The following PAM variants were observed in gnomAD, a reference collection of about 807,000 sequenced individuals.
PAM encodes the protein peptidyl-glycine alpha-amidating monooxygenase.
PAM carries 72 observed loss-of-function variants against 122.1 expected under a neutral mutation model. The observed-to-expected ratio is 0.59, with a 90% CI of 0.49 to 0.72. PAM has a LOEUF of 0.72. Among genes scored for constraint, PAM ranks in the 30% least tolerant of loss-of-function variants. The probability of loss-of-function intolerance (pLI) is 0.00; values close to 1 mark genes in which losing one functional copy is unlikely to be tolerated. For synonymous variants in PAM, 389 were observed against 404.4 expected, an observed-to-expected ratio of 0.96 and a Z score of 0.46; for missense variants, 1,106 against 1,183.7, an observed-to-expected ratio of 0.93 and a Z score of 0.96.
At chr5:102,842,605 C>A (rs547934306) in intron 1 of PAM, among the ~76,000 whole-genome samples, 3 of 152,104 alleles carry the variant, frequency 2.0e-5, no homozygotes, top group South Asian at 4.1e-4. Context: ...TTAACACCAG[C>A]GTGAGAATAG....
intron 1 of PAM, among the ~76,000 whole-genome samples, chr5:102,800,892 T>C (rs2150085646): frequency 6.6e-6 from 1 of 152,140 alleles, no homozygotes; most frequent in Admixed American, 6.5e-5. Context: ...CCCTACTGCT[T>C]GGGAAAAAAC....
At chr5:102,799,015 C>T (rs943328435) in intron 1 of PAM, among the ~76,000 whole-genome samples, 6 of 152,042 alleles carry the variant, frequency 3.9e-5, no homozygotes, top group Non-Finnish European at 5.9e-5. Context: ...AGCATAGCAA[C>T]GTCAATAACT....
chr5:102,900,336 C>G (rs1010954527), intron 3 of PAM, among the ~76,000 whole-genome samples: 3 of 150,254 alleles, frequency 2.0e-5, no homozygotes, highest in Non-Finnish European at 4.4e-5. Flanking sequence ...ATTATAAAGA[C>G]TTCTAAGAAA....
chr5:102,765,963 CT>C (rs527307006), intron 1 of PAM, among the ~76,000 whole-genome samples: 47 of 148,884 alleles, frequency 3.2e-4, no homozygotes, highest in African/African-American at 9.1e-4. Context: ...AATTGAACAT[CT>C]TTTTTTTTTA....
intron 4 of PAM, among the ~76,000 whole-genome samples, chr5:102,913,553 A>G (rs930552705): frequency 6.6e-6 from 1 of 151,906 alleles, no homozygotes; most frequent in Non-Finnish European, 1.5e-5. Context: ...CTTTTTCACT[A>G]CAATGTTGAG....
chr5:102,926,828 A>G (rs575881632), intron 7 of PAM, among the ~76,000 whole-genome samples, 160 bp downstream of exon 7: 1 of 152,298 alleles, frequency 6.6e-6, no homozygotes, highest in African/African-American at 2.4e-5. Flanking sequence ...TGTTGAAGGA[A>G]TGACTTTTAT....
chr5:103,030,139 CA>C (rs1786053567), downstream of PAM: 1 of 152,002 alleles, frequency 6.6e-6, no homozygotes, highest in Non-Finnish European at 1.5e-5. Context: ...GGAGGCCAAG[CA>C]GAAGGATTGT....
chr5:102,896,188 T>G (rs1325714821), intron 3 of PAM, among the ~76,000 whole-genome samples: 1 of 151,652 alleles, frequency 6.6e-6, no homozygotes, highest in Non-Finnish European at 1.5e-5. Flanking sequence ...ACCAAAATAT[T>G]TTTCCCTCAT....
chr5:102,892,544 G>A (rs898673558), intron 3 of PAM, among the ~76,000 whole-genome samples: 2 of 151,750 alleles, frequency 1.3e-5, no homozygotes, highest in Admixed American at 6.6e-5. Context: ...GATATGTCCC[G>A]ATGACTGTAT....
intron 3 of PAM, among the ~76,000 whole-genome samples, chr5:102,900,436 A>G (rs1034782594): frequency 2.6e-5 from 4 of 151,626 alleles, no homozygotes; most frequent in Non-Finnish European, 5.9e-5. Flanking sequence ...AAATTTTAAG[A>G]TATTTGTTTG....
Position 102,937,118 on chromosome 5 carries a change from C to G in PAM, c.527-9719C>G, listed in dbSNP as rs925500901. 4.6e-5 allele frequency among the ~76,000 whole-genome samples: 7 copies of G among 152,204 alleles called. No individual in the cohort carries two copies. The East Asian group carries it at 1.2e-3, about 25-fold the overall frequency. ...AGAATTTATTTTCTTAACTTTTTCA[C>G]AAAATTTGGCATTTGGATTTTAAAA... On this transcript the variant is annotated intron_variant, in intron 7 of 25. Coordinates refer to ENST00000438793, the MANE Select transcript of PAM (RefSeq NM_001177306.2).
chr5:102,941,570 G>T lies in PAM; in HGVS notation c.527-5267G>T, dbSNP rs114865169. ...AAGCAGATACACATTTGCCATGACA[G>T]CTTAAAGTGTCGGTGCTTTTGAATG... On this transcript the variant is annotated intron_variant, in intron 7 of 25. Coordinates refer to ENST00000438793, the MANE Select transcript of PAM (RefSeq NM_001177306.2). Among the ~76,000 whole-genome samples, 1,220 of 152,172 alleles carry T rather than the reference G, an allele frequency of 8.0e-3. 22 individuals are homozygous for T. The highest frequency in any genetic ancestry group is 0.027 in the African/African-American group (1,139 of 41,498).
intron 1 of PAM, among the ~76,000 whole-genome samples, chr5:102,768,869 C>A (rs1486233367): frequency 6.6e-6 from 1 of 152,038 alleles, no homozygotes; most frequent in African/African-American, 2.4e-5. Context: ...ATATATACCC[C>A]AAAGAAAGGA....
At chr5:103,005,911 TTGTTGTTGTTGTTGTTGTTGTTGC>T (rs375869270) in intron 18 of PAM, among the ~76,000 whole-genome samples, 3,190 of 147,864 alleles carry the variant, frequency 0.022, 101 homozygotes, top group African/African-American at 0.074. Context: ...TCCTAACTTG[TTGTTGTTGTTGTTGTTGTTGTTGC>T]TGTTGTTGTT....
intron 20 of PAM, among the ~76,000 whole-genome samples, chr5:103,009,329 T>G (rs887894960): frequency 5.3e-5 from 8 of 152,206 alleles, no homozygotes; most frequent in Non-Finnish European, 1.2e-4. Context: ...TGATTTTCTC[T>G]TGGATTCTCC....
At chr5:102,807,612 C>T (rs1038583392) in intron 1 of PAM, among the ~76,000 whole-genome samples, 1 of 152,086 alleles carries the variant, frequency 6.6e-6, no homozygotes, top group African/African-American at 2.4e-5. Context: ...GGGCAGCTGC[C>T]ACCTCATGGA....
chr5:102,817,462 TATTA>T (rs762540476), intron 1 of PAM, among the ~76,000 whole-genome samples: 6 of 152,178 alleles, frequency 3.9e-5, no homozygotes, highest in East Asian at 1.9e-4. Context: ...ATAATTTTTA[TATTA>T]ATTACTTAGT....
At chr5:102,881,241 T>C (rs1328694515) in intron 3 of PAM, among the ~76,000 whole-genome samples, 2 of 151,754 alleles carry the variant, frequency 1.3e-5, no homozygotes, top group African/African-American at 4.8e-5. Flanking sequence ...ATACTATGTA[T>C]ATAAAGAGTT....
At chr5:102,880,586 G>A (rs1430784539) in intron 3 of PAM, among the ~76,000 whole-genome samples, 2 of 152,066 alleles carry the variant, frequency 1.3e-5, no homozygotes, top group Non-Finnish European at 2.9e-5. Context: ...CCTGGAACAA[G>A]GAGAAGATCA....
Sources: allele counts gnomAD v4.1 joint callset (sites outside exome capture counted in the v4.1 genomes callset), GRCh38; gene constraint gnomAD v4.1.1; transcripts MANE v1.5; gene names NCBI Gene and HGNC (gene_info 2026-07-23, HGNC 2026-07-21).